The following VWCE variants were observed in gnomAD, a reference collection of about 807,000 sequenced individuals.
VWCE encodes von Willebrand factor C and EGF domain-containing protein.
A neutral mutation model predicts 102.9 loss-of-function variants in VWCE; 68 were observed. That is an observed-to-expected ratio of 0.66 (90% CI 0.54 to 0.81). VWCE has a LOEUF of 0.81. Ranked by LOEUF, VWCE falls within the 30% of genes least tolerant of loss-of-function variation. VWCE has a pLI of 0.00. For missense variants in VWCE, 1,137 were observed against 1,263.6 expected, an observed-to-expected ratio of 0.90 and a Z score of 1.52; for synonymous variants, 497 against 515.4, an observed-to-expected ratio of 0.96 and a Z score of 0.48.
At chr11:61,283,592 G>A (rs1461179337) in intron 5 of VWCE, among the ~76,000 whole-genome samples, 4 of 152,156 alleles carry the variant, frequency 2.6e-5, no homozygotes, top group Non-Finnish European at 4.4e-5. Flanking sequence ...TGTATTTTTA[G>A]TAGAGATGGG....
chr11:61,281,362 A>T, intron 7 of VWCE, 127 bp from the exon 8 acceptor site: 2 of 1,157,084 alleles, frequency 1.7e-6, no homozygotes, highest in South Asian at 3.0e-5. Flanking sequence ...GCAACATTCT[A>T]CTATGTTTAT....
rs1855496573 is a variant in VWCE, at chr11:61,291,344, G to A, written c.215C>T (p.Ser72Phe). The A allele has an allele frequency of 6.2e-7, 1 of 1,613,068 alleles. No homozygotes were observed. Among genetic ancestry groups the A allele is most frequent in the Non-Finnish European group, 8.5e-7 (1 of 1,179,610 alleles). The change falls in exon 3 of 20, where the codon TCC (serine) becomes TTC (phenylalanine). Residue 72 changes from serine (S) to phenylalanine (F), a missense_variant. By Grantham distance (155) the Ser-to-Phe change is radical. This residue lies in a region of VWCE where 575 missense variants were observed against 625.9 expected (regional missense o/e 0.92). Transcript: ENST00000335613. The part of the protein sequence containing the change: ...GGGHCTLPLC[S>F]FGCGSGICIA... ...GCAGATGCCACTCCCACAGCCGAAG[G>A]AGCAGAGGGCTGAGAGGAGAAGTGC...
chr11:61,294,992 GC>G lies in VWCE; in HGVS notation c.45del (p.Leu16CysfsTer116). 6.8e-7 allele frequency: 1 copy of G among 1,474,154 alleles called. No individual in the cohort carries two copies. The highest frequency in any genetic ancestry group is 1.3e-5 in the South Asian group (1 of 77,478). The allele number at this position is 1,474,154 out of a possible 1,614,324, so 91.3% of individuals were successfully genotyped here. ...LLLRAACVALLLPGAPARGYT... is the reference protein window; with the variant it reads ...LLLRAACVALXLPGAPARGYT... ...TAGCCTCGGGCTGGTGCCCCCGGCAGCAGGAGCGCGACACAGGCGGCCCGAA... is the reference window on the plus strand; with the variant it reads ...TAGCCTCGGGCTGGTGCCCCCGGCAGAGGAGCGCGACACAGGCGGCCCGAA... On this transcript the variant is annotated frameshift_variant, in exon 1 of 20. Coordinates refer to ENST00000335613, the MANE Select transcript of VWCE (RefSeq NM_152718.2). LOFTEE classifies it high-confidence loss of function. This position sits in a 1 kb window ranked among gnomAD's most constrained non-coding sequence, Gnocchi z 6.3.
intron 10 of VWCE, among the ~76,000 whole-genome samples, chr11:61,277,977 G>A (rs770683926): frequency 2.0e-5 from 3 of 152,200 alleles, no homozygotes; most frequent in Admixed American, 1.3e-4. Flanking sequence ...TCTTGCAGGA[G>A]TGAATTTGCC....
At chr11:61,267,683 G>A (rs1007783543) in intron 15 of VWCE, 139 bp from the exon 16 acceptor site, 2 of 718,890 alleles carry the variant, frequency 2.8e-6, no homozygotes. Context: ...TGGGAGTTAG[G>A]GAAGGGACAA....
At chr11:61,268,680 C>G (rs1854582578) in intron 15 of VWCE, among the ~76,000 whole-genome samples, 2 of 152,234 alleles carry the variant, frequency 1.3e-5, no homozygotes, top group Admixed American at 6.5e-5. Context: ...CCAATTGTCT[C>G]ACAGGTGCAG....
chr11:61,264,332 G>C (rs1854445348), intron 19 of VWCE, among the ~76,000 whole-genome samples, 155 bp downstream of exon 19: 1 of 151,890 alleles, frequency 6.6e-6, no homozygotes, highest in African/African-American at 2.4e-5. Flanking sequence ...AGGGTCAGCA[G>C]GCCACAGCAC....
intron 19 of VWCE, among the ~76,000 whole-genome samples, chr11:61,263,997 G>A (rs562546314): frequency 6.6e-6 from 1 of 152,050 alleles, no homozygotes; most frequent in South Asian, 2.1e-4. Context: ...AGGCTGAGGC[G>A]GGCGGATCAC....
At chr11:61,274,399 A>G (rs2134780189) in intron 12 of VWCE, 100 bp downstream of exon 12, 1 of 1,149,220 alleles carries the variant, frequency 8.7e-7, no homozygotes. Flanking sequence ...TTGCTGTATG[A>G]CAACTCATGT....
At chr11:61,275,695 G>A (rs1854882295) in intron 11 of VWCE, among the ~76,000 whole-genome samples, 1 of 152,160 alleles carries the variant, frequency 6.6e-6, no homozygotes, top group African/African-American at 2.4e-5. Context: ...GACATAAAGG[G>A]TTCCATGAGA....
rs1565216531 is a variant in VWCE, at chr11:61,265,007, A to G, written c.2088T>C (p.Asn696=). 1 of 1,614,062 alleles carries G rather than the reference A, an allele frequency of 6.2e-7. No individual in the cohort carries two copies. Among genetic ancestry groups the G allele is most frequent in the Non-Finnish European group, 8.5e-7 (1 of 1,180,046 alleles). ...DCNYEGRKVA[N]GQVFTLDDEP... The stretch of plus-strand genomic sequence containing the variant: ...CATCATCCAAGGTGAACACCTGGCC[A>G]TTCGCCACCTTCCTTCCCTCGTAGT... Residue 696 remains asparagine, a synonymous_variant, in exon 18 of 20, where the codon AAT becomes AAC. Coordinates refer to ENST00000335613, the MANE Select transcript of VWCE (RefSeq NM_152718.2).
intron 16 of VWCE, among the ~76,000 whole-genome samples, chr11:61,266,853 CCAG>C (rs1384656491): frequency 1.3e-5 from 2 of 152,196 alleles, no homozygotes; most frequent in East Asian, 3.9e-4. Context: ...TGAAAAGGTT[CCAG>C]TACTGGATTC....
At chr11:61,278,919 A>G (rs1422968045) in intron 9 of VWCE, among the ~76,000 whole-genome samples, 2 of 152,048 alleles carry the variant, frequency 1.3e-5, no homozygotes, top group African/African-American at 2.4e-5. Context: ...TGTGCCTGTA[A>G]TCCCAGCTAC....
intron 9 of VWCE, 58 bp from the exon 10 acceptor site, chr11:61,278,534 G>C: frequency 6.6e-7 from 1 of 1,521,644 alleles, no homozygotes; most frequent in Admixed American, 1.7e-5. Context: ...GAGGAAACTT[G>C]AGGTCTCGCT....
intron 19 of VWCE, 30 bp from the exon 20 acceptor site, chr11:61,259,342 C>T (rs753505233): frequency 1.9e-6 from 3 of 1,542,388 alleles, no homozygotes; most frequent in South Asian, 2.5e-5. Context: ...ACGAGATGCA[C>T]AATGGCTCTC....
rs563931031 is a variant in VWCE at position 61,291,361 on chromosome 11, G to C, written c.206-8C>G. The C allele has an allele frequency of 1.3e-5, 21 of 1,611,334 alleles. No individual in the cohort carries two copies. The Admixed American group carries it at 2.5e-4, about 19-fold the overall frequency. ...AGCCGAAGGAGCAGAGGGCTGAGAG[G>C]AGAAGTGCAGGTGAGACACGAGGAA... On this transcript the variant is annotated splice_region_variant and splice_polypyrimidine_tract_variant and intron_variant, in intron 2 of 19. Transcript: ENST00000335613.
At chr11:61,285,824 G>A (rs1219141036) in intron 5 of VWCE, among the ~76,000 whole-genome samples, 1 of 152,176 alleles carries the variant, frequency 6.6e-6, no homozygotes, top group African/African-American at 2.4e-5. Context: ...TGCAATTTCG[G>A]CTCACTGCAA....
rs534633681 is a variant in VWCE at position 61,270,067 on chromosome 11, G to A, written c.1786-1049C>T. 1.8e-4 allele frequency among the ~76,000 whole-genome samples: 27 copies of A among 151,904 alleles called. 1 individual carries two copies. The South Asian group carries it at 3.8e-3, about 21-fold the overall frequency. On this transcript the variant is annotated intron_variant, in intron 14 of 19. Coordinates refer to ENST00000335613, the MANE Select transcript of VWCE (RefSeq NM_152718.2). ...CGAGTAGCTGGGATTACAGGTGCCC[G>A]CCACCACGCCCAGCTAATTTTTTTT...
At chr11:61,270,270 C>T (rs975257850) in intron 14 of VWCE, among the ~76,000 whole-genome samples, 3 of 152,170 alleles carry the variant, frequency 2.0e-5, no homozygotes, top group African/African-American at 7.2e-5. Flanking sequence ...GAAGGCTGGG[C>T]TTCTCCCACA....
Sources: allele counts gnomAD v4.1 joint callset (sites outside exome capture counted in the v4.1 genomes callset), GRCh38; gene constraint gnomAD v4.1.1; regional missense constraint gnomAD v4.1.1; non-coding constraint Gnocchi (gnomAD v3.1); transcripts MANE v1.5; gene names NCBI Gene and HGNC (gene_info 2026-07-23, HGNC 2026-07-21).